SWAP70: variants seen among roughly 807,000 people sequenced by gnomAD.
SWAP70 encodes the protein switching B cell complex subunit SWAP70, also known as switch-associated protein 70.
In SWAP70, 34 loss-of-function variants were observed where a neutral mutation model predicts 80.2. The observed-to-expected ratio is 0.42, with a 90% CI of 0.32 to 0.56. The LOEUF (loss-of-function observed/expected upper bound fraction) is 0.56. Ranked by LOEUF, SWAP70 falls within the 20% of genes least tolerant of loss-of-function variation. SWAP70 has a pLI of 0.09. For missense variants in SWAP70, 578 were observed against 690.7 expected, an observed-to-expected ratio of 0.84 and a Z score of 1.83; for synonymous variants, 239 against 238.5, an observed-to-expected ratio of 1.00 and a Z score of -0.02.
intron 3 of SWAP70, among the ~76,000 whole-genome samples, chr11:9,723,209 C>A (rs575498624): frequency 1.8e-4 from 27 of 152,214 alleles, no homozygotes; most frequent in Non-Finnish European, 8.8e-5. Flanking sequence ...GAGGCCCGAC[C>A]AAAAGCAGAT....
intron 6 of SWAP70, among the ~76,000 whole-genome samples, 173 bp from the exon 7 acceptor site, chr11:9,732,356 A>G (rs2133810603): frequency 6.6e-6 from 1 of 152,282 alleles, no homozygotes; most frequent in South Asian, 2.1e-4. Context: ...AAAAAAACCA[A>G]GAGGTTATGT....
chr11:9,694,740 A>T (rs531476419), intron 2 of SWAP70, among the ~76,000 whole-genome samples: 2 of 152,208 alleles, frequency 1.3e-5, no homozygotes, highest in Admixed American at 1.3e-4. Context: ...GAGAAATACA[A>T]ATCAAAACCA....
At chr11:9,670,777 G>C (rs969063916) in intron 1 of SWAP70, among the ~76,000 whole-genome samples, 1 of 151,314 alleles carries the variant, frequency 6.6e-6, no homozygotes, top group African/African-American at 2.4e-5. Flanking sequence ...TTTCTGAGGC[G>C]GAGTCTTGCT....
chr11:9,703,285 C>T (rs1850856330), intron 2 of SWAP70: 1 of 444,214 alleles, frequency 2.3e-6, no homozygotes, highest in African/African-American at 2.0e-5. Context: ...GGCTGAATAA[C>T]ATTCCGTTAC....
At chr11:9,712,077 C>G (rs921404651) in intron 2 of SWAP70, among the ~76,000 whole-genome samples, 65 of 152,268 alleles carry the variant, frequency 4.3e-4, no homozygotes, top group African/African-American at 1.5e-3. Flanking sequence ...TCCTGTCACT[C>G]TTTCTGCGAA....
intron 6 of SWAP70, among the ~76,000 whole-genome samples, chr11:9,730,640 A>G (rs1282284654): frequency 2.6e-5 from 4 of 152,210 alleles, no homozygotes; most frequent in African/African-American, 7.2e-5. Flanking sequence ...GCTTGAGGTA[A>G]TATGTAAAAG....
intron 2 of SWAP70, chr11:9,703,556 C>T (rs1850860824): frequency 4.4e-6 from 2 of 453,544 alleles, no homozygotes; most frequent in Non-Finnish European, 4.4e-6. Flanking sequence ...ACCCACCCTT[C>T]CCAGAGCTAA....
chr11:9,712,049 G>C (rs1851005365), intron 2 of SWAP70, among the ~76,000 whole-genome samples: 1 of 152,124 alleles, frequency 6.6e-6, no homozygotes, highest in South Asian at 2.1e-4. Flanking sequence ...GATGCTGCTT[G>C]AGAACTCAGC....
intron 1 of SWAP70, among the ~76,000 whole-genome samples, chr11:9,674,400 TA>T (rs201150330): frequency 2.0e-5 from 3 of 151,818 alleles, no homozygotes; most frequent in Admixed American, 1.3e-4. Flanking sequence ...AACACAGATT[TA>T]AAAAAAACCC....
chr11:9,739,144 G>A (rs994622450), intron 8 of SWAP70, among the ~76,000 whole-genome samples: 3 of 152,154 alleles, frequency 2.0e-5, no homozygotes, highest in African/African-American at 4.8e-5. Context: ...TGGCAGCTCC[G>A]GTTCATCCTA....
chr11:9,725,564 TA>T (rs1564829580), intron 4 of SWAP70, among the ~76,000 whole-genome samples: 178 of 16,706 alleles, frequency 0.011, 1 homozygote, highest in Non-Finnish European at 0.014. Flanking sequence ...TATATATATA[TA>T]TATATTTTTT....
intron 2 of SWAP70, among the ~76,000 whole-genome samples, chr11:9,703,107 G>A (rs1256498773): frequency 6.6e-6 from 1 of 151,916 alleles, no homozygotes; most frequent in African/African-American, 2.4e-5. Context: ...ATAGCTCTAG[G>A]CAAGTGCAAA....
At chr11:9,710,657 C>CTTTTTTTTTTTTAATTTTCAAAAAAAATT (rs1850984283) in intron 2 of SWAP70, among the ~76,000 whole-genome samples, 1 of 141,152 alleles carries the variant, frequency 7.1e-6, no homozygotes, top group Non-Finnish European at 1.6e-5. Flanking sequence ...CAGGATATGG[C>CTTTTTTTTTTTTAATTTTCAAAAAAAATT]TTTTTTTTTT....
At chr11:9,688,558 A>C (rs1455079752) in intron 1 of SWAP70, among the ~76,000 whole-genome samples, 2 of 152,108 alleles carry the variant, frequency 1.3e-5, no homozygotes, top group Non-Finnish European at 2.9e-5. Context: ...AGGAAGGTGA[A>C]GTGGGCTGGC....
In SWAP70 at chr11:9,686,344, C is replaced by CTTATTTATTTATTTATTTATTTAT. The variant is rs139472434; in HGVS notation, c.100-7795_100-7772dup. ...ATCCTTTCGTATCCTCTTTTATTTT[C>CTTATTTATTTATTTATTTATTTAT]TTATTTATTTATTTATTTATTTATT... On this transcript the variant is annotated intron_variant, in intron 1 of 11. Transcript: ENST00000318950. 2.2e-3 allele frequency among the ~76,000 whole-genome samples: 311 copies of CTTATTTATTTATTTATTTATTTAT among 143,874 alleles called. 2 individuals carry two copies. The highest frequency in any genetic ancestry group is 3.6e-3 in the Middle Eastern group (1 of 280). 94.4% of individuals were successfully genotyped at this position (143,874 alleles called of 152,430 possible).
At chr11:9,666,449 C>T (rs1407456036) in intron 1 of SWAP70, among the ~76,000 whole-genome samples, 1 of 151,956 alleles carries the variant, frequency 6.6e-6, no homozygotes, top group East Asian at 1.9e-4. Context: ...AGTACTTGCT[C>T]TAGGAGTTAG....
intron 9 of SWAP70, among the ~76,000 whole-genome samples, chr11:9,742,251 G>A (rs1851450097): frequency 6.6e-6 from 1 of 152,014 alleles, no homozygotes; most frequent in African/African-American, 2.4e-5. Flanking sequence ...AATGTGCAAA[G>A]GGCATTTTAT....
chr11:9,749,905 G>A lies in SWAP70; in HGVS notation c.1693G>A (p.Ala565Thr), dbSNP rs1456510140. 1.2e-6 allele frequency: 2 copies of A among 1,613,962 alleles called. No individual in the cohort carries two copies. Among genetic ancestry groups the A allele is most frequent in the Non-Finnish European group, 1.7e-6 (2 of 1,179,954 alleles). ...PHLITNWGPA[A>T]FTEAELEERE... ...CCTGATCACTAACTGGGGACCTGCA[G>A]CTTTCACTGAGGCAGAACTTGAAGA... Residue 565 changes from alanine (A) to threonine (T), a missense_variant, in exon 12 of 12, where the codon GCT becomes ACT. Transcript: ENST00000318950.
chr11:9,698,305 T>C (rs1850787427), intron 2 of SWAP70, among the ~76,000 whole-genome samples: 1 of 152,136 alleles, frequency 6.6e-6, no homozygotes, highest in Non-Finnish European at 1.5e-5. Flanking sequence ...TTTACCATGT[T>C]GGCCAGGCTG....
Sources: allele counts gnomAD v4.1 joint callset (sites outside exome capture counted in the v4.1 genomes callset), GRCh38; gene constraint gnomAD v4.1.1; transcripts MANE v1.5; gene names NCBI Gene and HGNC (gene_info 2026-07-23, HGNC 2026-07-21).